Variants in JAKMIP1 observed in about 807,000 individuals in gnomAD.
JAKMIP1 encodes the protein janus kinase and microtubule-interacting protein 1.
Under a neutral mutation model 113.0 loss-of-function variants are expected in JAKMIP1, and 33 were observed. The ratio of observed to expected loss-of-function variants is 0.29; its 90% CI spans 0.22 to 0.39. The LOEUF (loss-of-function observed/expected upper bound fraction) is 0.39, where lower values mean the gene tolerates loss of function less well. Ranked by LOEUF, JAKMIP1 falls within the 10% of genes least tolerant of loss-of-function variation. JAKMIP1 has a pLI of 1.00. For missense variants in JAKMIP1, 813 were observed against 1,080.5 expected (o/e 0.75, Z 3.47); for synonymous variants, 480 against 459.9 (o/e 1.04, Z -0.56).
chr4:6,104,610 T>C (rs1405487062), intron 3 of JAKMIP1, among the ~76,000 whole-genome samples: 1 of 152,254 alleles, frequency 6.6e-6, no homozygotes, highest in Non-Finnish European at 1.5e-5. Flanking sequence ...TGATCCAGTC[T>C]GAAAATCTCA....
At position 6,106,055 on chromosome 4, in the gene JAKMIP1, G is replaced by T; in HGVS notation, c.130-88C>A. On this transcript the variant is annotated intron_variant, in intron 2 of 20. Coordinates refer to ENST00000409021, the MANE Select transcript of JAKMIP1 (RefSeq NM_001099433.2). The surrounding 1 kb of genome is among the most constrained non-coding windows in gnomAD (Gnocchi z 5.9). ...GTCACAGCTGGGGGAGCTGGCCACA[G>T]CCTCCCCACGCCCAAGACACCCACC... is the stretch of plus-strand genomic sequence containing the variant. The T allele has an allele frequency of 1.2e-6, 1 of 857,222 alleles. No individual in the cohort carries two copies. Among genetic ancestry groups the T allele is most frequent in the Non-Finnish European group, 1.8e-6 (1 of 563,930 alleles). 53.1% of individuals were successfully genotyped at this position (857,222 alleles called of 1,614,324 possible). A position where few individuals can be genotyped will look rare whatever the true frequency, so the allele number is the denominator to read the frequency against.
intron 1 of JAKMIP1, among the ~76,000 whole-genome samples, chr4:6,172,983 TGGA>T (rs1475639549): frequency 6.6e-6 from 1 of 152,200 alleles, no homozygotes; most frequent in African/African-American, 2.4e-5. Flanking sequence ...GGGGGCTTCC[TGGA>T]GGAGGTGATG....
rs1717778016 is a variant in JAKMIP1, at chr4:6,064,573, A to C, written c.1431+307T>G. On this transcript the variant is annotated intron_variant, in intron 9 of 20. Transcript: ENST00000409021. This position sits in a 1 kb window ranked among gnomAD's most constrained non-coding sequence, Gnocchi z 4.3. The stretch of plus-strand genomic sequence containing the variant: ...AGTTTTAATTGCAAATGGTGAGGAA[A>C]CCCAAGGCAACATCCCTCAATGACT... Among the ~76,000 whole-genome samples the C allele has an allele frequency of 6.6e-6, 1 of 152,152 alleles. No individual in the cohort carries two copies. The highest frequency in any genetic ancestry group is 2.4e-5 in the African/African-American group (1 of 41,438).
Position 6,154,440 on chromosome 4 carries a change from C to G in JAKMIP1, c.-147-41443G>C, listed in dbSNP as rs1160188640. 6.6e-6 allele frequency among the ~76,000 whole-genome samples: 1 copy of G among 151,238 alleles called. No individual in the cohort carries two copies. The highest frequency in any genetic ancestry group is 1.5e-5 in the Non-Finnish European group (1 of 67,906). ...ATTTCACAACAAGCTAAAAACCGAACAGAAGCCTTTAGTTCCCTGAGTGAT... is the reference window on the plus strand; with the variant it reads ...ATTTCACAACAAGCTAAAAACCGAAGAGAAGCCTTTAGTTCCCTGAGTGAT... On this transcript the variant is annotated intron_variant, in intron 1 of 20. Coordinates refer to ENST00000409021, the MANE Select transcript of JAKMIP1 (RefSeq NM_001099433.2). This position sits in a 1 kb window ranked among gnomAD's most constrained non-coding sequence, Gnocchi z 4.2.
intron 19 of JAKMIP1, among the ~76,000 whole-genome samples, chr4:6,032,430 G>A (rs1024112575): frequency 3.3e-5 from 5 of 152,134 alleles, no homozygotes; most frequent in African/African-American, 9.7e-5. Context: ...GAGCTCTGTT[G>A]CTTCCTGGCT....
intron 1 of JAKMIP1, among the ~76,000 whole-genome samples, chr4:6,134,291 A>G (rs979236252): frequency 1.1e-4 from 16 of 152,334 alleles, no homozygotes; most frequent in South Asian, 2.1e-4. Context: ...ACTGTGAGTC[A>G]TTAAACCGCT....
rs145896487 is a variant in JAKMIP1, at chr4:6,137,800, G to A, written c.-147-24803C>T. 3.1e-4 allele frequency among the ~76,000 whole-genome samples: 47 copies of A among 152,364 alleles called. No individual in the cohort carries two copies. Among genetic ancestry groups the A allele is most frequent in the African/African-American group, 1.1e-3 (44 of 41,588 alleles). ...CCTGAACACAAGTGAGAGCCAGGTG[G>A]GGATAGGACAAGGTGCCCACTGGCT... On this transcript the variant is annotated intron_variant, in intron 1 of 20. Coordinates refer to ENST00000409021, the MANE Select transcript of JAKMIP1 (RefSeq NM_001099433.2). This position sits in a 1 kb window ranked among gnomAD's most constrained non-coding sequence, Gnocchi z 4.5.
chr4:6,156,536 T>C lies in JAKMIP1; in HGVS notation c.-147-43539A>G, dbSNP rs1205123899. On this transcript the variant is annotated intron_variant, in intron 1 of 20. Coordinates refer to ENST00000409021, the MANE Select transcript of JAKMIP1 (RefSeq NM_001099433.2). The surrounding 1 kb of genome is among the most constrained non-coding windows in gnomAD (Gnocchi z 5.0). The stretch of plus-strand genomic sequence containing the variant: ...ATTTGCAGAAATAAATCCAGAGCCA[T>C]CTGTTCTGAGCGTTCGGCTTCAGCC... Among the ~76,000 whole-genome samples the C allele has an allele frequency of 6.6e-6, 1 of 152,206 alleles. No individual in the cohort carries two copies. The highest frequency in any genetic ancestry group is 2.4e-5 in the African/African-American group (1 of 41,458).
At chr4:6,127,178 G>A (rs1323496416) in intron 1 of JAKMIP1, among the ~76,000 whole-genome samples, 2 of 152,148 alleles carry the variant, frequency 1.3e-5, no homozygotes, top group African/African-American at 2.4e-5. Flanking sequence ...CTGGCACGTC[G>A]CCTGGCCAGC....
rs1020395519 is a variant in JAKMIP1 at position 6,158,583 on chromosome 4, G to A, written c.-148+41670C>T. On this transcript the variant is annotated intron_variant, in intron 1 of 20. Transcript: ENST00000409021. The surrounding 1 kb of genome is among the most constrained non-coding windows in gnomAD (Gnocchi z 5.3). Reference sequence around the variant, plus strand: ...GGTATTCCAGAGGGCCTGCGGGAGTGGTCAACTCCATCCCATAGGGCCATT... The same window carrying A: ...GGTATTCCAGAGGGCCTGCGGGAGTAGTCAACTCCATCCCATAGGGCCATT... 6.6e-6 allele frequency among the ~76,000 whole-genome samples: 1 copy of A among 152,080 alleles called. No individual in the cohort carries two copies. Among genetic ancestry groups the A allele is most frequent in the Non-Finnish European group, 1.5e-5 (1 of 68,026 alleles).
At chr4:6,041,779 C>T (rs73073406) in intron 17 of JAKMIP1, among the ~76,000 whole-genome samples, 54 of 152,318 alleles carry the variant, frequency 3.5e-4, no homozygotes, top group African/African-American at 1.2e-3. Flanking sequence ...AGAGTCACTG[C>T]GCCAGCATTT....
rs1718389759 is a variant in JAKMIP1, at chr4:6,067,826, A to T, written c.1303-2818T>A. On this transcript the variant is annotated intron_variant, in intron 8 of 20. Transcript: ENST00000409021. The surrounding 1 kb of genome is among the most constrained non-coding windows in gnomAD (Gnocchi z 4.6). ...GGTCACCCCCCTGAGCTCCACGTTC[A>T]CTCAAGCTCTTCTGCACACGCAGGT... Among the ~76,000 whole-genome samples, 1 of 148,678 alleles carries T rather than the reference A, an allele frequency of 6.7e-6. No homozygotes were observed. Among genetic ancestry groups the T allele is most frequent in the Non-Finnish European group, 1.5e-5 (1 of 67,332 alleles).
intron 1 of JAKMIP1, among the ~76,000 whole-genome samples, chr4:6,164,744 G>A (rs1234859037): frequency 1.3e-5 from 2 of 152,216 alleles, no homozygotes; most frequent in African/African-American, 4.8e-5. Context: ...TGACTTCGAG[G>A]TCAGAACTTC....
rs1418907748 is a variant in JAKMIP1 at position 6,142,904 on chromosome 4, C to A, written c.-147-29907G>T. Among the ~76,000 whole-genome samples the A allele has an allele frequency of 6.6e-6, 1 of 152,168 alleles. No homozygotes were observed. Among genetic ancestry groups the A allele is most frequent in the Non-Finnish European group, 1.5e-5 (1 of 68,036 alleles). ...CATGGCCGGCAATGACAAAGCCCAGCCTGGAGTCCTGAGGCCCCTCAGTCC... is the reference window on the plus strand; with the variant it reads ...CATGGCCGGCAATGACAAAGCCCAGACTGGAGTCCTGAGGCCCCTCAGTCC... On this transcript the variant is annotated intron_variant, in intron 1 of 20. Coordinates refer to ENST00000409021, the MANE Select transcript of JAKMIP1 (RefSeq NM_001099433.2). The surrounding 1 kb of genome is among the most constrained non-coding windows in gnomAD (Gnocchi z 5.5).
chr4:6,105,550 G>T lies in JAKMIP1; in HGVS notation c.547C>A (p.Leu183Met). The part of the protein sequence containing the change: ...MQADKTKAAD[L>M]RAAYQAHQDE... ...TGGTGCGCCTGGTAGGCGGCACGCA[G>T]GTCGGCTGCCTTGGTCTTGTCAGCC... Residue 183 changes from leucine to methionine, a missense_variant, in exon 3 of 21, where the codon CTG (leucine) becomes ATG (methionine). By Grantham distance (15) the Leu-to-Met change is conservative. Around this residue, in one of 2 missense-constraint regions of JAKMIP1, gnomAD observed 540 missense variants for 653.9 expected, o/e 0.83. Coordinates refer to ENST00000409021, the MANE Select transcript of JAKMIP1 (RefSeq NM_001099433.2). The T allele has an allele frequency of 6.2e-7, 1 of 1,605,050 alleles. No individual in the cohort carries two copies. The highest frequency in any genetic ancestry group is 1.7e-5 in the Admixed American group (1 of 58,886).
chr4:6,173,855 C>T (rs756431601), intron 1 of JAKMIP1, among the ~76,000 whole-genome samples: 2 of 152,126 alleles, frequency 1.3e-5, no homozygotes, highest in Non-Finnish European at 2.9e-5. Context: ...GCGGGCGGAT[C>T]GCTCGAGGCC....
Position 6,167,436 on chromosome 4 carries a change from C to T in JAKMIP1, c.-148+32817G>A, listed in dbSNP as rs918192785. Among the ~76,000 whole-genome samples, 3 of 152,176 alleles carry T rather than the reference C, an allele frequency of 2.0e-5. No individual in the cohort carries two copies. Among genetic ancestry groups the T allele is most frequent in the Admixed American group, 6.5e-5 (1 of 15,278 alleles). On this transcript the variant is annotated intron_variant, in intron 1 of 20. Coordinates refer to ENST00000409021, the MANE Select transcript of JAKMIP1 (RefSeq NM_001099433.2). The surrounding 1 kb of genome is among the most constrained non-coding windows in gnomAD (Gnocchi z 5.3). Reference sequence around the variant, plus strand: ...TCCTCCACCCTGGGACAGCCACCTTCCCACAAGGCAAATCTGCCTCTAATA... The same window carrying T: ...TCCTCCACCCTGGGACAGCCACCTTTCCACAAGGCAAATCTGCCTCTAATA...
In JAKMIP1 at chr4:6,093,836, C is replaced by T. The variant is rs1722430798; in HGVS notation, c.625-8207G>A. Among the ~76,000 whole-genome samples, 1 of 152,142 alleles carries T rather than the reference C, an allele frequency of 6.6e-6. No homozygotes were observed. The highest frequency in any genetic ancestry group is 1.5e-5 in the Non-Finnish European group (1 of 68,020). On this transcript the variant is annotated intron_variant, in intron 3 of 20. Transcript: ENST00000409021. The surrounding 1 kb of genome is among the most constrained non-coding windows in gnomAD (Gnocchi z 4.6). ...GGAGTCGGTGGGGAACAAGTCCTGGCCCAGTGCCTCTGCCCACCACCACTC... is the reference window on the plus strand; with the variant it reads ...GGAGTCGGTGGGGAACAAGTCCTGGTCCAGTGCCTCTGCCCACCACCACTC...
chr4:6,161,089 G>A (rs1157752342), intron 1 of JAKMIP1, among the ~76,000 whole-genome samples: 1 of 129,190 alleles, frequency 7.7e-6, no homozygotes, highest in African/African-American at 3.1e-5. Flanking sequence ...CACCTCCTCC[G>A]AGCTCCACTC....
Sources: gnomAD v4.1 joint callset for allele counts (sites outside exome capture counted in the v4.1 genomes callset) on GRCh38, gnomAD v4.1.1 for gene constraint, gnomAD v4.1.1 regional missense constraint, Gnocchi (gnomAD v3.1) non-coding constraint, MANE v1.5 for transcripts, NCBI Gene and HGNC (gene_info 2026-07-23, HGNC 2026-07-21) for gene names.